Variants in DMD observed in about 807,000 individuals in gnomAD.
DMD encodes dystrophin.
A neutral mutation model predicts 330.1 loss-of-function variants in DMD; 63 were observed. The observed-to-expected ratio is 0.19, with a 90% confidence interval of 0.16 to 0.24. DMD has a LOEUF of 0.24. Ranked by LOEUF, DMD falls within the 10% of genes least tolerant of loss-of-function variation. The pLI is 1.00. For synonymous variants in DMD, 1,223 were observed against 959.8 expected, an observed-to-expected ratio of 1.27 and a Z score of -5.07; for missense variants, 3,344 against 2,684.1, an observed-to-expected ratio of 1.25 and a Z score of -5.43.
At chrX:32,753,138 C>T (rs535216531) in intron 7 of DMD, among the ~76,000 whole-genome samples, 2 of 111,248 alleles carry the variant, frequency 1.8e-5, no homozygotes, top group African/African-American at 6.5e-5. Context: ...CCCAGACTTC[C>T]ATCTAAATAT....
At chrX:32,782,221 T>A (rs936030233) in intron 7 of DMD, among the ~76,000 whole-genome samples, 4 of 111,894 alleles carry the variant, frequency 3.6e-5, no homozygotes, top group African/African-American at 1.3e-4. Flanking sequence ...AATATTATCA[T>A]TAAAAATCAC....
chrX:31,175,527 C>G (rs2040422676), intron 71 of DMD, among the ~76,000 whole-genome samples: 1 of 110,431 alleles, frequency 9.1e-6, no homozygotes, highest in Non-Finnish European at 1.9e-5. Flanking sequence ...TTTATTAAAC[C>G]AGAAAATGAG....
rs745387859 is a variant in DMD, at chrX:32,539,398, G to GA, written c.2168+5760dup. On this transcript the variant is annotated intron_variant, in intron 17 of 78. Coordinates refer to ENST00000357033, the MANE Select transcript of DMD (RefSeq NM_004006.3). ...ACATGCATAAGTCTAGTCTCCTTAGGAAAAAAAGAAGCAAATCATCTAAAA... is the reference window on the plus strand; with the variant it reads ...ACATGCATAAGTCTAGTCTCCTTAGGAAAAAAAAGAAGCAAATCATCTAAAA... 8.2e-5 allele frequency among the ~76,000 whole-genome samples: 9 copies of GA among 110,149 alleles called. No homozygotes were observed. In the East Asian group the frequency reaches 2.3e-3, roughly 28 times the overall value.
chrX:32,108,165 T>C (rs983991060), intron 44 of DMD, among the ~76,000 whole-genome samples: 16 of 111,894 alleles, frequency 1.4e-4, no homozygotes, highest in African/African-American at 5.2e-4. Context: ...TTTTGTTCTT[T>C]GTTTTGTTTT....
At chrX:32,908,434 C>T (rs1172482378) in intron 2 of DMD, among the ~76,000 whole-genome samples, 2 of 112,080 alleles carry the variant, frequency 1.8e-5, no homozygotes, top group East Asian at 5.6e-4. Context: ...AACATTTTAA[C>T]TTATGAGTAA....
chrX:31,555,339 G>A (rs973238701), intron 55 of DMD, among the ~76,000 whole-genome samples: 2 of 111,719 alleles, frequency 1.8e-5, no homozygotes, highest in African/African-American at 6.5e-5. Flanking sequence ...AGCAAGCAGA[G>A]CATGTGTGTA....
chrX:31,342,640 T>C (rs779746564), intron 61 of DMD, among the ~76,000 whole-genome samples: 1 of 112,038 alleles, frequency 8.9e-6, no homozygotes, highest in Admixed American at 9.5e-5. Flanking sequence ...ACTTGTAAAA[T>C]ATTAAGAAAA....
chrX:32,831,431 T>G, intron 4 of DMD, among the ~76,000 whole-genome samples: 1 of 111,106 alleles, frequency 9.0e-6, no homozygotes, highest in Middle Eastern at 4.6e-3. Context: ...CAAGTTAGTG[T>G]TATTTTTGAT....
chrX:32,695,406 G>A (rs113185281), intron 9 of DMD, among the ~76,000 whole-genome samples: 5,485 of 111,507 alleles, frequency 0.049, 305 homozygotes, highest in African/African-American at 0.17. Context: ...TTGGTTGAAG[G>A]AACATGAAAT....
chrX:33,103,334 C>T (rs766170438), intron 1 of DMD, among the ~76,000 whole-genome samples: 16 of 111,225 alleles, frequency 1.4e-4, no homozygotes, highest in African/African-American at 4.6e-4. Context: ...ATGTATACGC[C>T]CAGATGGCCT....
intron 7 of DMD, among the ~76,000 whole-genome samples, chrX:32,737,440 C>T (rs1402353439): frequency 2.7e-5 from 3 of 110,280 alleles, no homozygotes; most frequent in Admixed American, 1.9e-4. Context: ...AGACCACAGC[C>T]AGTCTGTCTT....
chrX:33,118,362 G>A (rs2095403096), intron 1 of DMD, among the ~76,000 whole-genome samples: 1 of 110,420 alleles, frequency 9.1e-6, no homozygotes, highest in South Asian at 3.8e-4. Context: ...CGCCCGCCTC[G>A]GCCTCCCAAA....
intron 71 of DMD, among the ~76,000 whole-genome samples, chrX:31,177,311 GA>G (rs1009188221): frequency 2.7e-5 from 3 of 111,454 alleles, no homozygotes; most frequent in Non-Finnish European, 3.8e-5. Flanking sequence ...AATTGTTTAT[GA>G]GCTGAATATT....
chrX:31,787,734 CAT>C (rs1247228663), intron 50 of DMD, among the ~76,000 whole-genome samples: 1 of 111,965 alleles, frequency 8.9e-6, no homozygotes, highest in African/African-American at 3.2e-5. Context: ...GGTCAGTAAA[CAT>C]GTTATGAATT....
chrX:31,892,679 G>C (rs918639362), intron 47 of DMD, among the ~76,000 whole-genome samples: 1 of 111,586 alleles, frequency 9.0e-6, no homozygotes, highest in African/African-American at 3.3e-5. Context: ...TGTGCAGCAC[G>C]TGACTGTACT....
intron 44 of DMD, among the ~76,000 whole-genome samples, chrX:32,208,948 G>A (rs1013836824): frequency 9.0e-6 from 1 of 111,578 alleles, no homozygotes; most frequent in African/African-American, 3.3e-5. Flanking sequence ...GCTATGAAAA[G>A]CAAGGACAAA....
At position 31,916,314 on chromosome X, in the gene DMD, A is replaced by G. The variant is rs187165876; in HGVS notation, c.6912+13282T>C. On this transcript the variant is annotated intron_variant, in intron 47 of 78. Transcript: ENST00000357033. ...AATAAGTTTTAGGGTGATTTGTTAC[A>G]TAACACTATTGCAAATTTTACACTA... 1.7e-3 allele frequency among the ~76,000 whole-genome samples: 192 copies of G among 112,384 alleles called. 2 individuals are homozygous for G. The highest frequency in any genetic ancestry group is 6.0e-3 in the African/African-American group (186 of 30,945).
intron 12 of DMD, among the ~76,000 whole-genome samples, chrX:32,601,971 T>G (rs2056255933): frequency 8.9e-6 from 1 of 111,958 alleles, no homozygotes; most frequent in Admixed American, 9.5e-5. Context: ...ACTAATCTAT[T>G]TTACCCTCAT....
chrX:31,388,946 G>A (rs2060580277), intron 60 of DMD, among the ~76,000 whole-genome samples: 1 of 112,063 alleles, frequency 8.9e-6, no homozygotes, highest in South Asian at 3.7e-4. Flanking sequence ...GAGACCATTG[G>A]AAGAGCTGAA....
Sources: gnomAD v4.1 joint callset for allele counts (sites outside exome capture counted in the v4.1 genomes callset) on GRCh38, gnomAD v4.1.1 for gene constraint, MANE v1.5 for transcripts, NCBI Gene and HGNC (gene_info 2026-07-23, HGNC 2026-07-21) for gene names.